TSPAN9: variants seen among roughly 807,000 people sequenced by gnomAD.
TSPAN9 encodes tetraspanin-9.
TSPAN9 carries 16 observed loss-of-function variants against 31.0 expected under a neutral mutation model. The ratio of observed to expected loss-of-function variants is 0.52; its 90% confidence interval spans 0.35 to 0.78. The LOEUF is 0.78. Among genes scored for constraint, TSPAN9 ranks in the 30% least tolerant of loss-of-function variants. The probability of loss-of-function intolerance (pLI) is 0.01; values close to 1 mark genes in which losing one functional copy is unlikely to be tolerated. For synonymous variants in TSPAN9, 145 were observed against 121.6 expected, an observed-to-expected ratio of 1.19 and a Z score of -1.27; for missense variants, 272 against 312.5, an observed-to-expected ratio of 0.87 and a Z score of 0.98.
chr12:3,194,796 T>A (rs1462424104), intron 2 of TSPAN9, among the ~76,000 whole-genome samples: 1 of 152,196 alleles, frequency 6.6e-6, no homozygotes, highest in Admixed American at 6.5e-5. Context: ...GATGTTACCG[T>A]CCTTCCTGAA....
At chr12:3,223,378 A>C (rs1354807936) in intron 3 of TSPAN9, among the ~76,000 whole-genome samples, 1 of 152,134 alleles carries the variant, frequency 6.6e-6, no homozygotes, top group Non-Finnish European at 1.5e-5. Context: ...TTTGACGGGA[A>C]TGGGGCTGGG....
At chr12:3,197,879 T>C (rs146495500) in intron 2 of TSPAN9, among the ~76,000 whole-genome samples, 11,094 of 34,402 alleles carry the variant, frequency 0.32, 3,218 homozygotes, top group East Asian at 0.65. Context: ...CCAGCACAGG[T>C]CACCACCAGC....
chr12:3,150,307 T>TAGGG (rs1197636292), intron 2 of TSPAN9, among the ~76,000 whole-genome samples: 1 of 152,120 alleles, frequency 6.6e-6, no homozygotes, highest in Non-Finnish European at 1.5e-5. Context: ...CCAGAGAGAT[T>TAGGG]AGGGGGCTTG....
chr12:3,187,706 T>C lies in TSPAN9; in HGVS notation c.-17-13471T>C, dbSNP rs571304791. 2.0e-5 allele frequency among the ~76,000 whole-genome samples: 3 copies of C among 152,176 alleles called. No homozygotes were observed. The South Asian group carries it at 6.2e-4, about 32-fold the overall frequency. The stretch of plus-strand genomic sequence containing the variant: ...AGCTGCAAGAGTCACCATGAACAGG[T>C]CTTGGCTTGCGGTATTCAGGCACGC... On this transcript the variant is annotated intron_variant, in intron 2 of 8. Transcript: ENST00000011898. This position sits in a 1 kb window ranked among gnomAD's most constrained non-coding sequence, Gnocchi z 5.2.
intron 2 of TSPAN9, among the ~76,000 whole-genome samples, chr12:3,091,830 A>G (rs1003321157): frequency 1.3e-5 from 2 of 152,214 alleles, no homozygotes; most frequent in Non-Finnish European, 2.9e-5. Context: ...GGCCTCTTCA[A>G]CTGTGCTGTG....
At chr12:3,218,192 T>G (rs1039506223) in intron 3 of TSPAN9, among the ~76,000 whole-genome samples, 2 of 152,178 alleles carry the variant, frequency 1.3e-5, no homozygotes, top group African/African-American at 4.8e-5. Flanking sequence ...TTGTTTTGGC[T>G]TTCTCTTCAG....
At chr12:3,095,527 C>T (rs1434519681) in intron 2 of TSPAN9, among the ~76,000 whole-genome samples, 16 of 115,748 alleles carry the variant, frequency 1.4e-4, no homozygotes, top group Admixed American at 7.3e-4. Flanking sequence ...CCCTCCCGGA[C>T]GGGGCGGCTG....
chr12:3,231,976 G>C (rs949262449), intron 3 of TSPAN9, among the ~76,000 whole-genome samples: 1 of 152,246 alleles, frequency 6.6e-6, no homozygotes, highest in African/African-American at 2.4e-5. Context: ...CCTGATTGCA[G>C]CAGTACGGTT....
At chr12:3,176,169 G>A (rs1278940020) in intron 2 of TSPAN9, among the ~76,000 whole-genome samples, 2 of 152,232 alleles carry the variant, frequency 1.3e-5, no homozygotes, top group African/African-American at 4.8e-5. Flanking sequence ...GGGATTGAAA[G>A]ATGAACAACA....
chr12:3,225,916 C>T (rs976036903), intron 3 of TSPAN9, among the ~76,000 whole-genome samples: 2 of 152,136 alleles, frequency 1.3e-5, no homozygotes, highest in African/African-American at 4.8e-5. Context: ...TCCATGTGCA[C>T]ACATTCTACC....
chr12:3,131,956 C>T (rs1333182289), intron 2 of TSPAN9, among the ~76,000 whole-genome samples: 2 of 152,164 alleles, frequency 1.3e-5, no homozygotes, highest in Non-Finnish European at 2.9e-5. Context: ...CACTGGCAAC[C>T]ACTGATCTGC....
intron 3 of TSPAN9, among the ~76,000 whole-genome samples, chr12:3,253,623 C>T (rs910436145): frequency 6.6e-6 from 1 of 152,214 alleles, no homozygotes; most frequent in African/African-American, 2.4e-5. Flanking sequence ...CACAGGCCAG[C>T]GATCAGCCCA....
intron 2 of TSPAN9, among the ~76,000 whole-genome samples, chr12:3,095,606 G>A (rs1301941208): frequency 3.2e-5 from 4 of 124,158 alleles, no homozygotes; most frequent in Non-Finnish European, 5.3e-5. Flanking sequence ...CCTCCCAGAC[G>A]GGGCGGCTGG....
At chr12:3,108,972 C>G (rs1229554277) in intron 2 of TSPAN9, among the ~76,000 whole-genome samples, 4 of 151,144 alleles carry the variant, frequency 2.6e-5, no homozygotes, top group African/African-American at 9.7e-5. Flanking sequence ...GAGTCTCGCT[C>G]TTGCCCAGGC....
At chr12:3,202,435 G>C (rs1565612105) in intron 3 of TSPAN9, among the ~76,000 whole-genome samples, 1 of 152,236 alleles carries the variant, frequency 6.6e-6, no homozygotes, top group Non-Finnish European at 1.5e-5. Context: ...TTTTTAGGGT[G>C]GGGGTGTGTG....
intron 2 of TSPAN9, among the ~76,000 whole-genome samples, chr12:3,176,398 ACG>A (rs2098355600): frequency 6.6e-6 from 1 of 152,224 alleles, no homozygotes; most frequent in South Asian, 2.1e-4. Context: ...ATGAGGAACC[ACG>A]CGGCTGTGTG....
intron 2 of TSPAN9, among the ~76,000 whole-genome samples, chr12:3,109,511 G>A (rs1016216513): frequency 6.6e-6 from 1 of 151,612 alleles, no homozygotes; most frequent in African/African-American, 2.4e-5. Context: ...AACCTAGTAA[G>A]TTAGTGCCAG....
rs1473790498 is a variant in TSPAN9 at position 3,285,008 on chromosome 12, T to C, written c.*1892T>C. 6.6e-6 allele frequency: 1 copy of C among 152,110 alleles called. No homozygotes were observed. The highest frequency in any genetic ancestry group is 6.5e-5 in the Admixed American group (1 of 15,278). 9.4% of individuals were successfully genotyped at this position (152,110 alleles called of 1,614,324 possible). ...GGGGTGGGAGTGGAGAGTAGGGTGG[T>C]CTTGTGAGTTGTGCAGGGTGAAGAC... is the stretch of plus-strand genomic sequence containing the variant. On this transcript the variant is annotated 3_prime_UTR_variant, in exon 9 of 9. Coordinates refer to ENST00000011898, the MANE Select transcript of TSPAN9 (RefSeq NM_006675.5).
At chr12:3,146,905 A>G (rs1420057156) in intron 2 of TSPAN9, among the ~76,000 whole-genome samples, 1 of 152,058 alleles carries the variant, frequency 6.6e-6, no homozygotes, top group Non-Finnish European at 1.5e-5. Context: ...TTGGGTTTGC[A>G]TTCAGATTGT....
Sources: allele counts gnomAD v4.1 joint callset (sites outside exome capture counted in the v4.1 genomes callset), GRCh38; gene constraint gnomAD v4.1.1; non-coding constraint Gnocchi (gnomAD v3.1); transcripts MANE v1.5; gene names NCBI Gene and HGNC (gene_info 2026-07-23, HGNC 2026-07-21).